CSMD1: variants seen among roughly 807,000 people sequenced by gnomAD.
The protein encoded by CSMD1 is CUB and Sushi multiple domains 1.
CSMD1 carries 213 observed loss-of-function variants against 417.5 expected under a neutral mutation model. The ratio of observed to expected loss-of-function variants is 0.51; its 90% CI spans 0.46 to 0.57. The LOEUF is 0.57. Ranked by LOEUF, CSMD1 falls within the 20% of genes least tolerant of loss-of-function variation. The pLI, the probability that CSMD1 is intolerant of heterozygous loss-of-function variation, is 0.00. For missense variants in CSMD1, 6,923 were observed against 4,529.7 expected, an observed-to-expected ratio of 1.53 and a Z score of -15.17; for synonymous variants, 2,862 against 1,736.8, an observed-to-expected ratio of 1.65 and a Z score of -16.11.
intron 26 of CSMD1, among the ~76,000 whole-genome samples, chr8:3,272,150 G>T (rs1043295231): frequency 6.8e-6 from 1 of 146,842 alleles, no homozygotes. Flanking sequence ...TCTGCATATG[G>T]TTAGCCAGTT....
chr8:4,757,218 G>T lies in CSMD1; in HGVS notation c.86-119660C>A, dbSNP rs141111744. Among the ~76,000 whole-genome samples the T allele has an allele frequency of 9.7e-4, 148 of 152,232 alleles. 1 individual carries two copies. The highest frequency in any genetic ancestry group is 3.4e-3 in the African/African-American group (143 of 41,548). Reference sequence around the variant, plus strand: ...TATTAGTTTAGCTGTTTTACTTCAGGTTCTCCTTAGAGAAAACAACTTGCA... The same window carrying T: ...TATTAGTTTAGCTGTTTTACTTCAGTTTCTCCTTAGAGAAAACAACTTGCA... On this transcript the variant is annotated intron_variant, in intron 1 of 69. Coordinates refer to ENST00000635120, the MANE Select transcript of CSMD1 (RefSeq NM_033225.6).
intron 5 of CSMD1, among the ~76,000 whole-genome samples, chr8:3,808,113 G>A (rs1160374739): frequency 3.9e-5 from 6 of 152,072 alleles, no homozygotes; most frequent in Non-Finnish European, 5.9e-5. Context: ...CCTCAGCCAC[G>A]TCACTCAGGA....
chr8:4,862,132 GA>G (rs1802172249), intron 1 of CSMD1, among the ~76,000 whole-genome samples: 1 of 152,012 alleles, frequency 6.6e-6, no homozygotes, highest in Admixed American at 6.6e-5. Context: ...AGGGTCTGGG[GA>G]CAAGGAGGCA....
At chr8:3,888,300 C>G (rs762080174) in intron 5 of CSMD1, among the ~76,000 whole-genome samples, 24 of 152,144 alleles carry the variant, frequency 1.6e-4, no homozygotes, top group Admixed American at 6.6e-5. Context: ...AAGCTTGACA[C>G]TTTGATCTTC....
At chr8:4,248,340 C>G (rs369481814) in intron 3 of CSMD1, among the ~76,000 whole-genome samples, 1 of 152,124 alleles carries the variant, frequency 6.6e-6, no homozygotes, top group Non-Finnish European at 1.5e-5. Flanking sequence ...TTTCTCCCAG[C>G]CAAACACGCT....
At chr8:3,504,133 G>C (rs1285928028) in intron 10 of CSMD1, among the ~76,000 whole-genome samples, 2 of 152,138 alleles carry the variant, frequency 1.3e-5, no homozygotes, top group South Asian at 2.1e-4. Flanking sequence ...AATGTTTGAA[G>C]TGATGAATAT....
intron 3 of CSMD1, among the ~76,000 whole-genome samples, chr8:4,300,643 C>T (rs144134737): frequency 6.6e-6 from 1 of 152,136 alleles, no homozygotes; most frequent in African/African-American, 2.4e-5. Flanking sequence ...ATTAACTCGT[C>T]ATTTAGCATT....
intron 10 of CSMD1, among the ~76,000 whole-genome samples, chr8:3,531,294 TTGTG>T (rs1192198592): frequency 1.3e-5 from 2 of 152,232 alleles, no homozygotes; most frequent in African/African-American, 4.8e-5. Context: ...TTATTTGTTG[TTGTG>T]TGAGTACTAG....
intron 1 of CSMD1, among the ~76,000 whole-genome samples, chr8:4,704,601 T>C (rs773044574): frequency 2.0e-5 from 3 of 152,256 alleles, no homozygotes; most frequent in African/African-American, 4.8e-5. Context: ...CGATCAACTC[T>C]GTATTTTCTA....
At chr8:4,775,962 C>G (rs1563354579) in intron 1 of CSMD1, among the ~76,000 whole-genome samples, 1 of 152,194 alleles carries the variant, frequency 6.6e-6, no homozygotes, top group Non-Finnish European at 1.5e-5. Flanking sequence ...CCATGACCAA[C>G]ATTAAATGAG....
chr8:3,806,128 A>T (rs1452412070), intron 5 of CSMD1, among the ~76,000 whole-genome samples: 1 of 152,164 alleles, frequency 6.6e-6, no homozygotes, highest in Non-Finnish European at 1.5e-5. Flanking sequence ...TTATGAAAGC[A>T]TCAAAACAGC....
intron 52 of CSMD1, among the ~76,000 whole-genome samples, chr8:3,012,668 G>T (rs1338426352): frequency 6.6e-6 from 1 of 152,198 alleles, no homozygotes; most frequent in East Asian, 1.9e-4. Context: ...GAACCAAAGT[G>T]GACCCTGCTT....
chr8:3,972,299 C>A (rs1813143871), intron 5 of CSMD1, among the ~76,000 whole-genome samples: 1 of 152,140 alleles, frequency 6.6e-6, no homozygotes, highest in African/African-American at 2.4e-5. Context: ...AAGGTACCAA[C>A]ACAATGTTAG....
At position 3,490,790 on chromosome 8, in the gene CSMD1, G is replaced by C. The variant is rs576094996; in HGVS notation, c.1448+2833C>G. The stretch of plus-strand genomic sequence containing the variant: ...CAGGTCAAAGGCAGGCAGTGTGTGC[G>C]ACGATCGCCTTAGAAGCTTGCCCAA... On this transcript the variant is annotated intron_variant, in intron 11 of 69. Transcript: ENST00000635120. Among the ~76,000 whole-genome samples, 302 of 152,194 alleles carry C rather than the reference G, an allele frequency of 2.0e-3. 1 individual carries two copies. Among genetic ancestry groups the C allele is most frequent in the Middle Eastern group, 6.8e-3 (2 of 294 alleles).
intron 2 of CSMD1, among the ~76,000 whole-genome samples, chr8:4,549,109 G>C (rs1007426699): frequency 3.9e-5 from 6 of 151,914 alleles, no homozygotes; most frequent in Non-Finnish European, 5.9e-5. Context: ...CTTAAGAAAA[G>C]TGGTCATTAA....
chr8:3,103,859 T>G (rs1815932044), intron 46 of CSMD1, among the ~76,000 whole-genome samples: 1 of 152,068 alleles, frequency 6.6e-6, no homozygotes, highest in Non-Finnish European at 1.5e-5. Flanking sequence ...TTCTCCTGCC[T>G]CAGCCTCCCA....
At chr8:3,448,340 G>GA (rs1815446058) in intron 12 of CSMD1, among the ~76,000 whole-genome samples, 5 of 101,846 alleles carry the variant, frequency 4.9e-5, no homozygotes, top group African/African-American at 7.8e-5. Context: ...AGGGAGGGAG[G>GA]GAGGGAGGAA....
intron 8 of CSMD1, among the ~76,000 whole-genome samples, chr8:3,605,615 T>C (rs1332950547): frequency 6.6e-6 from 1 of 152,202 alleles, no homozygotes; most frequent in Non-Finnish European, 1.5e-5. Context: ...TCTCCTTCCG[T>C]TTGATGACAC....
intron 1 of CSMD1, among the ~76,000 whole-genome samples, chr8:4,851,469 C>G (rs1451250963): frequency 6.6e-6 from 1 of 150,810 alleles, no homozygotes; most frequent in South Asian, 2.1e-4. Flanking sequence ...TATTTTTTTT[C>G]TTTTTTGATA....
Sources: gnomAD v4.1 joint callset for allele counts (sites outside exome capture counted in the v4.1 genomes callset) on GRCh38, gnomAD v4.1.1 for gene constraint, MANE v1.5 for transcripts, NCBI Gene and HGNC (gene_info 2026-07-23, HGNC 2026-07-21) for gene names.